The following CDH13 variants were observed in gnomAD, a reference collection of about 807,000 sequenced individuals.
CDH13 encodes the protein cadherin 13.
In CDH13, 24 loss-of-function variants were observed where a neutral mutation model predicts 63.8. The observed-to-expected ratio is 0.38, with a 90% CI of 0.27 to 0.53. The LOEUF is 0.53. Ranked by LOEUF, CDH13 falls within the 20% of genes least tolerant of loss-of-function variation. The probability of loss-of-function intolerance (pLI) is 0.85; values close to 1 mark genes in which losing one functional copy is unlikely to be tolerated. For synonymous variants in CDH13, 503 were observed against 355.3 expected (o/e 1.42, Z -4.67); for missense variants, 1,049 against 903.1 (o/e 1.16, Z -2.07).
chr16:83,574,193 C>G (rs1904898836), intron 7 of CDH13, among the ~76,000 whole-genome samples: 1 of 152,158 alleles, frequency 6.6e-6, no homozygotes, highest in African/African-American at 2.4e-5. Flanking sequence ...CAGATATTGT[C>G]ATTATGCTGA....
At position 82,644,764 on chromosome 16, in the gene CDH13, T is replaced by C. The variant is rs1433156; in HGVS notation, c.45+17627T>C. Among the ~76,000 whole-genome samples, 67,779 of 151,868 alleles carry C rather than the reference T, an allele frequency of 0.45. 15,887 individuals carry two copies. Among genetic ancestry groups the C allele is most frequent in the African/African-American group, 0.59 (24,551 of 41,404 alleles). ...GGCTCCCTCTGATTCTTAAAGCCTT[T>C]CCAGGTAGCAACAGGAGATCACGCA... On this transcript the variant is annotated intron_variant, in intron 1 of 13. Transcript: ENST00000567109. This position sits in a 1 kb window ranked among gnomAD's most constrained non-coding sequence, Gnocchi z 5.7.
At chr16:82,757,116 C>G (rs1462507498) in intron 1 of CDH13, among the ~76,000 whole-genome samples, 1 of 152,154 alleles carries the variant, frequency 6.6e-6, no homozygotes, top group Admixed American at 6.5e-5. Context: ...ACTCTTAGTT[C>G]ATACAGTGGT....
intron 7 of CDH13, among the ~76,000 whole-genome samples, chr16:83,564,457 G>A (rs1024618348): frequency 6.9e-6 from 1 of 144,476 alleles, no homozygotes; most frequent in African/African-American, 2.6e-5. Flanking sequence ...CACCCAGGCT[G>A]GAGTGCAATG....
At chr16:83,124,384 C>T (rs1427597751) in intron 3 of CDH13, among the ~76,000 whole-genome samples, 1 of 152,130 alleles carries the variant, frequency 6.6e-6, no homozygotes, top group Non-Finnish European at 1.5e-5. Context: ...TGTTTGAGTT[C>T]CTTGTAAATT....
Position 82,938,859 on chromosome 16 carries a change from C to T in CDH13, c.157+80386C>T, listed in dbSNP as rs187079359. On this transcript the variant is annotated intron_variant, in intron 2 of 13. Coordinates refer to ENST00000567109, the MANE Select transcript of CDH13 (RefSeq NM_001257.5). ...TCCTGAGGAGGGAGGGAGTTCCCTT[C>T]AGCTGGAGGTACTTATTTCAGTGCT... 2.0e-5 allele frequency among the ~76,000 whole-genome samples: 3 copies of T among 152,058 alleles called. No homozygotes were observed. The East Asian group carries it at 5.8e-4, about 30-fold the overall frequency.
chr16:82,723,870 G>T (rs1013705836), intron 1 of CDH13, among the ~76,000 whole-genome samples: 1 of 152,168 alleles, frequency 6.6e-6, no homozygotes, highest in Non-Finnish European at 1.5e-5. Context: ...CTCTGGCCTT[G>T]ATGGAGTTTT....
At chr16:83,198,832 A>G (rs1269288238) in intron 4 of CDH13, among the ~76,000 whole-genome samples, 2 of 152,224 alleles carry the variant, frequency 1.3e-5, no homozygotes, top group African/African-American at 2.4e-5. Flanking sequence ...AAGAGGAGCC[A>G]TTATTCATCA....
At chr16:83,611,351 T>G (rs1908844405) in intron 8 of CDH13, among the ~76,000 whole-genome samples, 1 of 152,118 alleles carries the variant, frequency 6.6e-6, no homozygotes, top group South Asian at 2.1e-4. Flanking sequence ...TTAATTTCAT[T>G]GATGGATATG....
chr16:83,262,959 T>A (rs1907164754), intron 5 of CDH13, among the ~76,000 whole-genome samples: 1 of 152,260 alleles, frequency 6.6e-6, no homozygotes, highest in African/African-American at 2.4e-5. Flanking sequence ...TGATGTTGTT[T>A]GTCCTGAGAA....
At chr16:83,585,733 C>T (rs1906092597) in intron 7 of CDH13, among the ~76,000 whole-genome samples, 2 of 151,308 alleles carry the variant, frequency 1.3e-5, no homozygotes, top group South Asian at 4.2e-4. Flanking sequence ...TGGCAACCTA[C>T]CAAAAAAAAA....
chr16:83,225,969 G>T (rs1385972733), intron 5 of CDH13, among the ~76,000 whole-genome samples: 1 of 152,148 alleles, frequency 6.6e-6, no homozygotes, highest in South Asian at 2.1e-4. Context: ...TCTCCCAACT[G>T]CTTCACTCTG....
Position 82,657,983 on chromosome 16 carries a change from G to C in CDH13, c.45+30846G>C, listed in dbSNP as rs547478751. 5.3e-5 allele frequency among the ~76,000 whole-genome samples: 8 copies of C among 152,290 alleles called. No homozygotes were observed. In the East Asian group the frequency reaches 1.4e-3, roughly 26 times the overall value. On this transcript the variant is annotated intron_variant, in intron 1 of 13. Coordinates refer to ENST00000567109, the MANE Select transcript of CDH13 (RefSeq NM_001257.5). Reference sequence around the variant, plus strand: ...AACAATGGTAAGAGGGCACATCCTTGCCTTGCTACTGATCTTATCAGGAAA... The same window carrying C: ...AACAATGGTAAGAGGGCACATCCTTCCCTTGCTACTGATCTTATCAGGAAA...
intron 5 of CDH13, among the ~76,000 whole-genome samples, chr16:83,259,290 T>G (rs535873539): frequency 6.6e-6 from 1 of 152,194 alleles, no homozygotes. Context: ...CATTGAATGC[T>G]TCTCAGCATG....
chr16:83,667,805 G>A (rs554504641), intron 8 of CDH13, among the ~76,000 whole-genome samples: 17 of 151,822 alleles, frequency 1.1e-4, no homozygotes, highest in Admixed American at 3.9e-4. Context: ...CGACAGGCAC[G>A]TGCCACCACA....
chr16:82,679,449 CT>C (rs1214806655), intron 1 of CDH13, among the ~76,000 whole-genome samples: 1 of 152,184 alleles, frequency 6.6e-6, no homozygotes, highest in East Asian at 1.9e-4. Flanking sequence ...ACTAAAATGG[CT>C]TGTGAGCATG....
chr16:83,692,065 C>G (rs1266524421), intron 10 of CDH13, among the ~76,000 whole-genome samples: 1 of 152,148 alleles, frequency 6.6e-6, no homozygotes, highest in Non-Finnish European at 1.5e-5. Flanking sequence ...CAATGACAGC[C>G]GTCGTCACCT....
At chr16:83,014,766 A>ATATATATTTG (rs1555562567) in intron 2 of CDH13, among the ~76,000 whole-genome samples, 1 of 51,484 alleles carries the variant, frequency 1.9e-5, no homozygotes, top group Non-Finnish European at 3.9e-5. Context: ...ATATATATAT[A>ATATATATTTG]TATATATATG....
chr16:83,564,207 A>G (rs1373546209), intron 7 of CDH13, among the ~76,000 whole-genome samples: 1 of 152,128 alleles, frequency 6.6e-6, no homozygotes, highest in African/African-American at 2.4e-5. Context: ...GTGAATCCCC[A>G]GAGATGAAAA....
intron 1 of CDH13, among the ~76,000 whole-genome samples, chr16:82,828,646 T>TTG (rs60031294): frequency 0.2 from 28,121 of 142,600 alleles, 3,231 homozygotes; most frequent in African/African-American, 0.34. Context: ...ATAGATGTGT[T>TTG]TGTGTGTGTG....
Sources: allele counts gnomAD v4.1 joint callset (sites outside exome capture counted in the v4.1 genomes callset), GRCh38; gene constraint gnomAD v4.1.1; non-coding constraint Gnocchi (gnomAD v3.1); transcripts MANE v1.5; gene names NCBI Gene and HGNC (gene_info 2026-07-23, HGNC 2026-07-21).